Variants in C10orf67 observed in about 807,000 individuals in gnomAD.
The protein encoded by C10orf67 is uncharacterized protein C10orf67, mitochondrial.
A neutral mutation model predicts 35.6 loss-of-function variants in C10orf67; 60 were observed. That is an observed-to-expected ratio of 1.68 (90% confidence interval 1.37 to 2.09). C10orf67 has a LOEUF of 2.09. C10orf67 is among the 30% of genes most tolerant of loss of function. The probability of loss-of-function intolerance (pLI) is 0.00; values close to 1 mark genes in which losing one functional copy is unlikely to be tolerated. For missense variants in C10orf67, 474 were observed against 330.2 expected, an observed-to-expected ratio of 1.44 and a Z score of -3.38; for synonymous variants, 167 against 115.8, an observed-to-expected ratio of 1.44 and a Z score of -2.84.
chr10:23,342,076 A>G (rs1325773354), intron 1 of C10orf67, among the ~76,000 whole-genome samples: 2 of 152,040 alleles, frequency 1.3e-5, no homozygotes, highest in African/African-American at 4.8e-5. Context: ...AGGTGGAGGG[A>G]TCGCTTGACT....
chr10:23,315,024 C>T (rs1452623228), intron 4 of C10orf67, among the ~76,000 whole-genome samples: 2 of 152,180 alleles, frequency 1.3e-5, no homozygotes, highest in East Asian at 3.8e-4. Context: ...GTATATAGCA[C>T]TTCGTTTTAT....
intron 15 of C10orf67, among the ~76,000 whole-genome samples, chr10:23,221,153 T>A (rs564090632): frequency 6.6e-6 from 1 of 152,252 alleles, no homozygotes; most frequent in African/African-American, 2.4e-5. Flanking sequence ...ACAGGACGCA[T>A]GGCTAGGAGG....
rs557907867 is a variant in C10orf67 at position 23,225,528 on chromosome 10, A to T, written c.1435-1710T>A. On this transcript the variant is annotated intron_variant, in intron 13 of 15. Coordinates refer to ENST00000636213, the MANE Select transcript of C10orf67 (RefSeq NM_001371909.1). The stretch of plus-strand genomic sequence containing the variant: ...AAATTCACACATAACAATATTAACC[A>T]TAAATGTAAATGGGCTAAATGCTCC... Among the ~76,000 whole-genome samples, 121 of 152,228 alleles carry T rather than the reference A, an allele frequency of 7.9e-4. 2 individuals carry two copies. In the East Asian group the frequency reaches 0.021, roughly 26 times the overall value.
chr10:23,215,972 T>C (rs1415398015), intron 15 of C10orf67, among the ~76,000 whole-genome samples: 3 of 152,170 alleles, frequency 2.0e-5, no homozygotes, highest in African/African-American at 7.2e-5. Flanking sequence ...AGAATAGCTA[T>C]GACAAACCTA....
chr10:23,269,916 A>G (rs1403458982), intron 8 of C10orf67, among the ~76,000 whole-genome samples: 1 of 152,194 alleles, frequency 6.6e-6, no homozygotes, highest in African/African-American at 2.4e-5. Context: ...ATTAATAAAT[A>G]ACACTCCTGT....
Position 23,319,241 on chromosome 10 carries a change from G to C in C10orf67, c.546+1500C>G, listed in dbSNP as rs137972119. On this transcript the variant is annotated intron_variant, in intron 4 of 15. Transcript: ENST00000636213. ...CTCAATGTTTAGCTCCCACTCATAA[G>C]TAAGAACATGCAGTATTTGGTTTTC... is the stretch of plus-strand genomic sequence containing the variant. Among the ~76,000 whole-genome samples the C allele has an allele frequency of 3.0e-3, 454 of 152,222 alleles. 13 individuals carry two copies. In the East Asian group the frequency reaches 0.049, roughly 16 times the overall value.
downstream of C10orf67, chr10:23,202,492 A>G (rs537720248): frequency 6.0e-5 from 9 of 150,522 alleles, 1 homozygote; most frequent in Non-Finnish European, 7.4e-5. Context: ...TGTAAGACTA[A>G]TGCAGCTGCA....
chr10:23,227,994 G>A (rs1449381188), intron 13 of C10orf67, among the ~76,000 whole-genome samples: 27 of 152,208 alleles, frequency 1.8e-4, no homozygotes, highest in Admixed American at 9.8e-4. Context: ...AATCAATATC[G>A]TGAAAATGGC....
chr10:23,281,422 T>C (rs771425656), intron 8 of C10orf67, among the ~76,000 whole-genome samples: 4 of 152,106 alleles, frequency 2.6e-5, no homozygotes, highest in Non-Finnish European at 5.9e-5. Context: ...TTTATTATAA[T>C]AAACACAGTC....
At chr10:23,268,370 A>C (rs1842937562) in intron 8 of C10orf67, among the ~76,000 whole-genome samples, 1 of 152,242 alleles carries the variant, frequency 6.6e-6, no homozygotes, top group Non-Finnish European at 1.5e-5. Flanking sequence ...GCATGTTTCC[A>C]TAATATTAAG....
intron 8 of C10orf67, among the ~76,000 whole-genome samples, chr10:23,273,422 A>C (rs1367499986): frequency 6.6e-6 from 1 of 152,174 alleles, no homozygotes; most frequent in East Asian, 1.9e-4. Flanking sequence ...CTTTTTCTTC[A>C]TCCACCTGCT....
intron 5 of C10orf67, among the ~76,000 whole-genome samples, chr10:23,297,812 A>C (rs1256784253): frequency 1.3e-5 from 2 of 152,260 alleles, no homozygotes; most frequent in Non-Finnish European, 2.9e-5. Context: ...CTGATATTTA[A>C]GTAAACAGTT....
At chr10:23,296,673 G>C (rs1038346581) in intron 5 of C10orf67, among the ~76,000 whole-genome samples, 30 of 152,146 alleles carry the variant, frequency 2.0e-4, no homozygotes, top group Non-Finnish European at 8.8e-5. Flanking sequence ...ATTAACATCG[G>C]AGCATGGGCT....
At position 23,319,384 on chromosome 10, in the gene C10orf67, A is replaced by AT. The variant is rs772383166; in HGVS notation, c.546+1356dup. On this transcript the variant is annotated intron_variant, in intron 4 of 15. Transcript: ENST00000636213. ...ATATTCCATGGTGTATATGTACCAC[A>AT]TTTTTTTTTATCCAGTCCACCGTTG... Among the ~76,000 whole-genome samples, 16 of 151,496 alleles carry AT rather than the reference A, an allele frequency of 1.1e-4. No homozygotes were observed. The East Asian group carries it at 1.2e-3, about 11-fold the overall frequency.
intron 12 of C10orf67, among the ~76,000 whole-genome samples, 181 bp downstream of exon 12, chr10:23,250,274 T>C (rs17543456): frequency 0.15 from 22,518 of 152,236 alleles, 1,887 homozygotes; most frequent in Middle Eastern, 0.23. Context: ...ACATCTTGAA[T>C]GATTTTACTT....
At chr10:23,220,649 C>A (rs1324254619) in intron 15 of C10orf67, among the ~76,000 whole-genome samples, 3 of 152,216 alleles carry the variant, frequency 2.0e-5, no homozygotes, top group African/African-American at 7.2e-5. Context: ...TGCTCTACTT[C>A]TTTGCAATAT....
intron 15 of C10orf67, among the ~76,000 whole-genome samples, chr10:23,220,033 G>T (rs192469317): frequency 5.3e-5 from 8 of 152,078 alleles, no homozygotes; most frequent in African/African-American, 1.9e-4. Context: ...TTAGCTTGAT[G>T]TGGTGGTGTG....
intron 10 of C10orf67, among the ~76,000 whole-genome samples, chr10:23,254,662 A>G (rs951004203): frequency 8.5e-5 from 13 of 152,198 alleles, no homozygotes; most frequent in East Asian, 1.9e-4. Context: ...AAGCACTTAT[A>G]TCATATTTTT....
chr10:23,275,494 G>T (rs1264723079), intron 8 of C10orf67, among the ~76,000 whole-genome samples: 1 of 152,134 alleles, frequency 6.6e-6, no homozygotes, highest in Non-Finnish European at 1.5e-5. Context: ...TAGGTAGGTT[G>T]CAGGTTTACA....
Sources: gnomAD v4.1 joint callset for allele counts (sites outside exome capture counted in the v4.1 genomes callset) on GRCh38, gnomAD v4.1.1 for gene constraint, MANE v1.5 for transcripts, NCBI Gene and HGNC (gene_info 2026-07-23, HGNC 2026-07-21) for gene names.